Variants in CTNNA2 observed in about 807,000 individuals in gnomAD.
CTNNA2 encodes catenin alpha-2.
Under a neutral mutation model 101.0 loss-of-function variants are expected in CTNNA2, and 42 were observed. The ratio of observed to expected loss-of-function variants is 0.42; its 90% confidence interval spans 0.32 to 0.54. The LOEUF (loss-of-function observed/expected upper bound fraction) is 0.54. CTNNA2 is among the 20% of genes least tolerant of loss of function. The pLI is 0.14. For synonymous variants in CTNNA2, 450 were observed against 456.4 expected (o/e 0.99, Z 0.18); for missense variants, 871 against 1,223.1 (o/e 0.71, Z 4.29).
chr2:79,691,423 A>C (rs750281729), intron 2 of CTNNA2, among the ~76,000 whole-genome samples: 1 of 151,968 alleles, frequency 6.6e-6, no homozygotes, highest in East Asian at 1.9e-4. Context: ...TAAGATATAT[A>C]TTAGTAATGG....
chr2:80,434,865 T>A (rs945161943), intron 9 of CTNNA2, among the ~76,000 whole-genome samples: 1 of 152,156 alleles, frequency 6.6e-6, no homozygotes, highest in African/African-American at 2.4e-5. Flanking sequence ...GTCAGGGCAC[T>A]ATGGAGAGAT....
chr2:80,632,659 T>A (rs949550322), intron 18 of CTNNA2, among the ~76,000 whole-genome samples: 2 of 152,158 alleles, frequency 1.3e-5, no homozygotes, highest in African/African-American at 4.8e-5. Flanking sequence ...GGGCTTATCA[T>A]GCCCTCATGC....
At chr2:79,788,161 A>G (rs181974245) in intron 3 of CTNNA2, among the ~76,000 whole-genome samples, 36 of 152,282 alleles carry the variant, frequency 2.4e-4, no homozygotes, top group African/African-American at 7.7e-4. Context: ...GGCATTGGTG[A>G]ACTCTCAGTG....
chr2:79,312,174 G>T (rs750762704), intron 2 of CTNNA2, among the ~76,000 whole-genome samples: 3 of 152,138 alleles, frequency 2.0e-5, no homozygotes, highest in Non-Finnish European at 4.4e-5. Context: ...CTCTCAAAGT[G>T]CTGGGATTAT....
At chr2:80,071,000 C>G (rs1324767444) in intron 7 of CTNNA2, among the ~76,000 whole-genome samples, 1 of 152,180 alleles carries the variant, frequency 6.6e-6, no homozygotes, top group Non-Finnish European at 1.5e-5. Context: ...ATCTTCCTAT[C>G]TCAAGATCCT....
At chr2:80,036,137 C>T (rs553944372) in intron 7 of CTNNA2, among the ~76,000 whole-genome samples, 4 of 152,110 alleles carry the variant, frequency 2.6e-5, no homozygotes, top group South Asian at 2.1e-4. Flanking sequence ...AGAAGCAGTG[C>T]GATAATCTAC....
intron 7 of CTNNA2, among the ~76,000 whole-genome samples, chr2:80,040,502 G>C (rs1695971169): frequency 6.6e-6 from 1 of 152,070 alleles, no homozygotes; most frequent in Admixed American, 6.6e-5. Flanking sequence ...TTTTTAAAGG[G>C]GCTGTTCCTG....
At chr2:80,275,751 C>T (rs1673853137) in intron 7 of CTNNA2, among the ~76,000 whole-genome samples, 1 of 151,890 alleles carries the variant, frequency 6.6e-6, no homozygotes, top group Non-Finnish European at 1.5e-5. Context: ...TGTAAACTTC[C>T]AAACGGAAAA....
At chr2:79,714,652 A>G (rs375666471) in intron 2 of CTNNA2, among the ~76,000 whole-genome samples, 1 of 90,318 alleles carries the variant, frequency 1.1e-5, no homozygotes, top group African/African-American at 8.5e-5. Context: ...TTGACTATCA[A>G]TCATCTTCAA....
intron 17 of CTNNA2, among the ~76,000 whole-genome samples, chr2:80,615,157 C>A (rs1277303137): frequency 6.6e-6 from 1 of 151,466 alleles, no homozygotes; most frequent in Non-Finnish European, 1.5e-5. Context: ...ACACATCTTT[C>A]CATTACCTTA....
chr2:80,166,532 C>T (rs1206765150), intron 7 of CTNNA2, among the ~76,000 whole-genome samples: 1 of 152,176 alleles, frequency 6.6e-6, no homozygotes, highest in African/African-American at 2.4e-5. Flanking sequence ...CATACCTTAG[C>T]TTATTCATCT....
intron 4 of CTNNA2, among the ~76,000 whole-genome samples, chr2:79,489,881 G>A (rs759885504): frequency 6.6e-6 from 1 of 152,194 alleles, no homozygotes; most frequent in Non-Finnish European, 1.5e-5. Context: ...AAGGGCAAAA[G>A]GTAAGACCTC....
chr2:79,329,285 C>T (rs1375429608), intron 3 of CTNNA2, among the ~76,000 whole-genome samples: 1 of 152,112 alleles, frequency 6.6e-6, no homozygotes, highest in Non-Finnish European at 1.5e-5. Context: ...CTAGAAACAA[C>T]ATAGATGGGC....
At chr2:79,764,190 A>G (rs746985207) in intron 3 of CTNNA2, among the ~76,000 whole-genome samples, 4 of 152,230 alleles carry the variant, frequency 2.6e-5, no homozygotes, top group Non-Finnish European at 4.4e-5. Flanking sequence ...ACTGAACAAC[A>G]TACAGTAAAT....
At chr2:79,564,614 T>C (rs1213913840) in intron 1 of CTNNA2, among the ~76,000 whole-genome samples, 1 of 152,212 alleles carries the variant, frequency 6.6e-6, no homozygotes, top group Non-Finnish European at 1.5e-5. Flanking sequence ...GGAAGTTAAT[T>C]CACACCTTTT....
At chr2:79,838,082 T>C (rs913341545) in intron 3 of CTNNA2, among the ~76,000 whole-genome samples, 5 of 152,138 alleles carry the variant, frequency 3.3e-5, no homozygotes, top group Non-Finnish European at 7.4e-5. Context: ...ATTGATTCCA[T>C]TTAATAGAAT....
chr2:79,353,068 A>G (rs987023909), intron 3 of CTNNA2, among the ~76,000 whole-genome samples: 1 of 152,164 alleles, frequency 6.6e-6, no homozygotes, highest in Non-Finnish European at 1.5e-5. Context: ...CCCATGATCC[A>G]ATCACCTCCC....
chr2:79,505,104 T>TAG (rs1671383392), exon 5 of CTNNA2: 1 of 152,442 alleles, frequency 6.6e-6, no homozygotes. Flanking sequence ...TCTGCAACAG[T>TAG]ACCCCCTCTC....
chr2:79,875,969 T>G (rs778920881), intron 6 of CTNNA2, among the ~76,000 whole-genome samples: 1 of 151,992 alleles, frequency 6.6e-6, no homozygotes, highest in Non-Finnish European at 1.5e-5. Flanking sequence ...CAAATAATTT[T>G]TAAAAAGTTA....
Sources: allele counts gnomAD v4.1 joint callset (sites outside exome capture counted in the v4.1 genomes callset), GRCh38; gene constraint gnomAD v4.1.1; transcripts MANE v1.5; gene names NCBI Gene and HGNC (gene_info 2026-07-23, HGNC 2026-07-21).